The following TAF4 variants were observed in gnomAD, a reference collection of about 807,000 sequenced individuals.
TAF4 encodes the protein TATA-box binding protein associated factor 4.
TAF4 carries 9 observed loss-of-function variants against 90.3 expected under a neutral mutation model. The observed-to-expected ratio is 0.10, with a 90% CI of 0.06 to 0.17. TAF4 has a LOEUF of 0.17. Ranked by LOEUF, TAF4 falls within the 10% of genes least tolerant of loss-of-function variation. TAF4 has a pLI of 1.00. For synonymous variants in TAF4, 818 were observed against 638.9 expected (o/e 1.28, Z -4.23); for missense variants, 1,351 against 1,370.7 (o/e 0.99, Z 0.23).
At chr20:62,014,030 GTGTGTGTGTGTGTGTA>G (rs1271776482) in intron 2 of TAF4, among the ~76,000 whole-genome samples, 17 of 144,140 alleles carry the variant, frequency 1.2e-4, no homozygotes, top group African/African-American at 4.4e-4. Flanking sequence ...GTGTGTGTGT[GTGTGTGTGTGTGTGTA>G]TGTGTGTGTG....
rs370400875 is a variant in TAF4 at position 62,014,535 on chromosome 20, A to G, written c.1521+12T>C. ...GGAAGGGGTTCGCACTCCAGGGCAC[A>G]CGTGCACTCACCTGTACGGTGGAGA... On this transcript the variant is annotated intron_variant, in intron 2 of 14. Coordinates refer to ENST00000252996, the MANE Select transcript of TAF4 (RefSeq NM_003185.4). 9 of 1,599,358 alleles carry G rather than the reference A, an allele frequency of 5.6e-6. No homozygotes were observed. The African/African-American group carries it at 1.2e-4, about 22-fold the overall frequency.
intron 1 of TAF4, among the ~76,000 whole-genome samples, chr20:62,047,461 A>G (rs2055999984): frequency 6.6e-6 from 1 of 152,182 alleles, no homozygotes; most frequent in Non-Finnish European, 1.5e-5. Flanking sequence ...TTTAGAAGGA[A>G]GAGATCACAC....
chr20:62,034,827 C>CTTTTCTTTTTTT (rs555793597), intron 1 of TAF4, among the ~76,000 whole-genome samples: 2 of 141,810 alleles, frequency 1.4e-5, no homozygotes, highest in East Asian at 2.3e-4. Flanking sequence ...TCATAGATTT[C>CTTTTCTTTTTTT]TTTTTTTTTT....
At chr20:62,053,996 G>A (rs974242378) in intron 1 of TAF4, among the ~76,000 whole-genome samples, 1 of 152,228 alleles carries the variant, frequency 6.6e-6, no homozygotes, top group Non-Finnish European at 1.5e-5. Flanking sequence ...GCTGGGGGGA[G>A]CCCAAGCACT....
rs1279776547 is a variant in TAF4 at position 62,010,122 on chromosome 20, C to T, written c.1685G>A (p.Gly562Glu). Reference protein sequence around the residue: ...LGGAAQTASLGTATAVQTGTP... With the variant: ...LGGAAQTASLETATAVQTGTP... Reference sequence around the variant, plus strand: ...CCCCGTCTGAACAGCCGTCGCCGTCCCAAGTGAAGCCGTCTGGGCAGCGCC... The same window carrying T: ...CCCCGTCTGAACAGCCGTCGCCGTCTCAAGTGAAGCCGTCTGGGCAGCGCC... The change falls in exon 4 of 15, where the codon GGG (glycine) becomes GAG (glutamate). Residue 562 changes from glycine to glutamate, a missense_variant. Around this residue, in one of 9 missense-constraint regions of TAF4, gnomAD observed 143 missense variants for 176.3 expected, o/e 0.81. Transcript: ENST00000252996. This position sits in a 1 kb window ranked among gnomAD's most constrained non-coding sequence, Gnocchi z 4.5. 6.2e-7 allele frequency: 1 copy of T among 1,613,956 alleles called. No individual in the cohort carries two copies. The highest frequency in any genetic ancestry group is 8.5e-7 in the Non-Finnish European group (1 of 1,180,022).
chr20:62,026,685 GA>G (rs1420903497), intron 1 of TAF4, among the ~76,000 whole-genome samples: 3 of 152,198 alleles, frequency 2.0e-5, no homozygotes, highest in African/African-American at 7.2e-5. Flanking sequence ...CTCGGCACAG[GA>G]AAGAGCAGCC....
intron 1 of TAF4, among the ~76,000 whole-genome samples, chr20:62,020,320 C>T (rs1224796940): frequency 2.0e-5 from 3 of 152,202 alleles, no homozygotes; most frequent in Admixed American, 1.3e-4. Context: ...TCAGCCCCAG[C>T]TCTCCTCCTG....
At chr20:62,061,713 G>A (rs1001914473) in intron 1 of TAF4, among the ~76,000 whole-genome samples, 12 of 152,112 alleles carry the variant, frequency 7.9e-5, no homozygotes, top group Non-Finnish European at 1.3e-4. Context: ...GTGCTTTTCC[G>A]TGATCTTGGG....
At chr20:62,043,249 G>A (rs909998832) in intron 1 of TAF4, among the ~76,000 whole-genome samples, 2 of 152,148 alleles carry the variant, frequency 1.3e-5, no homozygotes, top group African/African-American at 2.4e-5. Context: ...AGCCCAGGAG[G>A]TCAAGGCTGC....
rs1600820333 is a variant in TAF4 at position 61,976,011 on chromosome 20, A to G, written c.*157T>C. On this transcript the variant is annotated 3_prime_UTR_variant, in exon 15 of 15. Coordinates refer to ENST00000252996, the MANE Select transcript of TAF4 (RefSeq NM_003185.4). ...CCTTTGTGTTCTCTCTGTTACAGAA[A>G]CGTGTTTTCTTTCACACTGAAGAGC... is the stretch of plus-strand genomic sequence containing the variant. The G allele has an allele frequency of 1.4e-6, 1 of 736,386 alleles. No homozygotes were observed. The highest frequency in any genetic ancestry group is 2.7e-5 in the East Asian group (1 of 37,232). 45.6% of individuals were successfully genotyped at this position (736,386 alleles called of 1,614,324 possible).
intron 14 of TAF4, among the ~76,000 whole-genome samples, chr20:61,993,418 C>T (rs144825949): frequency 3.9e-5 from 6 of 152,306 alleles, no homozygotes; most frequent in African/African-American, 9.6e-5. Context: ...GCAATCCTGA[C>T]GCAGGACACA....
At position 62,012,884 on chromosome 20, in the gene TAF4, A is replaced by T; in HGVS notation, c.1572T>A (p.Ile524=). The T allele has an allele frequency of 6.2e-7, 1 of 1,614,120 alleles. No homozygotes were observed. The highest frequency in any genetic ancestry group is 8.5e-7 in the Non-Finnish European group (1 of 1,180,022). The part of the protein sequence containing the change: ...IARQVTPTTI[I]KQVSQAQTTV... ...TTGTCTGGGCCTGAGACACTTGCTT[A>T]ATTATGGTAGTTGGGGTCACCTGCC... The change falls in exon 3 of 15, where the codon ATT becomes ATA. Residue 524 remains isoleucine, a synonymous_variant. Transcript: ENST00000252996.
Position 61,974,868 on chromosome 20 carries a change from A to G in TAF4, c.*1300T>C, listed in dbSNP as rs1197888598. ...CCTATATAAAACAATAGCAATTAAAAACTTCATTTCTGAAAGTAAAATATT... is the reference window on the plus strand; with the variant it reads ...CCTATATAAAACAATAGCAATTAAAGACTTCATTTCTGAAAGTAAAATATT... On this transcript the variant is annotated 3_prime_UTR_variant, in exon 15 of 15. Coordinates refer to ENST00000252996, the MANE Select transcript of TAF4 (RefSeq NM_003185.4). This position sits in a 1 kb window ranked among gnomAD's most constrained non-coding sequence, Gnocchi z 4.1. The G allele has an allele frequency of 6.6e-6, 1 of 152,438 alleles. No individual in the cohort carries two copies. Among genetic ancestry groups the G allele is most frequent in the African/African-American group, 2.4e-5 (1 of 41,466 alleles). 9.4% of individuals were successfully genotyped at this position (152,438 alleles called of 1,614,324 possible).
chr20:62,065,323 G>C lies in TAF4; in HGVS notation c.488C>G (p.Pro163Arg), dbSNP rs1489219524. ...GCCGGCGCGGGCGGCCAGCGCGGCG[G>C]GGCCGGCGGGCTTGGCGGGGCCGGC... ...APAGPAKPAG[P>R]AALAARAGPG... Residue 163 changes from proline to arginine, a missense_variant, in exon 1 of 15, where the codon CCC becomes CGC. Transcript: ENST00000252996. The C allele has an allele frequency of 1.1e-6, 1 of 949,122 alleles. No homozygotes were observed. The highest frequency in any genetic ancestry group is 1.2e-6 in the Non-Finnish European group (1 of 803,022). 58.8% of individuals were successfully genotyped at this position (949,122 alleles called of 1,614,324 possible).
intron 1 of TAF4, among the ~76,000 whole-genome samples, chr20:62,049,401 C>A (rs902590514): frequency 6.6e-6 from 1 of 152,096 alleles, no homozygotes; most frequent in Admixed American, 6.5e-5. Context: ...CCCACTTCTG[C>A]GTCCCCTGCT....
In TAF4 at chr20:62,006,539, C is replaced by T. The variant is rs767089465; in HGVS notation, c.2194G>A (p.Val732Ile). The T allele has an allele frequency of 2.1e-5, 33 of 1,553,680 alleles. No individual in the cohort carries two copies. Among genetic ancestry groups the T allele is most frequent in the Middle Eastern group, 2.1e-4 (1 of 4,764 alleles). Residue 732 changes from valine (V) to isoleucine (I), a missense_variant, in exon 7 of 15, where the codon GTC becomes ATC. Val to Ile is a conservative substitution (Grantham distance 29, BLOSUM62 3). This residue lies in a region of TAF4 where 202 missense variants were observed against 229.7 expected (regional missense o/e 0.88). Coordinates refer to ENST00000252996, the MANE Select transcript of TAF4 (RefSeq NM_003185.4). The surrounding 1 kb of genome is among the most constrained non-coding windows in gnomAD (Gnocchi z 7.0). ...GGTGTGGGTTGCCCCTGCTTGCCGA[C>T]GCCGACCTGCGTGGGCTGCGTGAGG... ...LSLTQPTQVG[V>I]GKQGQPTPLV...
In TAF4 at chr20:62,065,822, GGCC is replaced by G. The variant is rs551749583; in HGVS notation, c.-15_-13del. 1.2e-3 allele frequency: 1,547 copies of G among 1,256,032 alleles called. No homozygotes were observed. Among genetic ancestry groups the G allele is most frequent in the East Asian group, 3.9e-3 (70 of 17,752 alleles). The allele number at this position is 1,256,032 out of a possible 1,614,324, so 77.8% of individuals were successfully genotyped here. ...GAGCCCGCCGCCATCTTTTTTCCTC[GGCC>G]GCCGCCGCCGCCGCCGCTCGGGCCG... On this transcript the variant is annotated 5_prime_UTR_variant, in exon 1 of 15. Transcript: ENST00000252996.
Position 62,014,562 on chromosome 20 carries a change from C to A in TAF4, c.1506G>T (p.Gln502His), listed in dbSNP as rs2123150953. 1 of 1,613,402 alleles carries A rather than the reference C, an allele frequency of 6.2e-7. No homozygotes were observed. The highest frequency in any genetic ancestry group is 1.1e-5 in the South Asian group (1 of 91,002). ...GTGCACTCACCTGTACGGTGGAGAT[C>A]TGGACGGGAGGGGCACTTGTGGGGG... Reference protein sequence around the residue: ...PATPTSAPPVQISTVQAPGTP... With the variant: ...PATPTSAPPVHISTVQAPGTP... The change falls in exon 2 of 15, where the codon CAG becomes CAT. Residue 502 changes from glutamine to histidine, a missense_variant. Around this residue, in one of 9 missense-constraint regions of TAF4, gnomAD observed 143 missense variants for 176.3 expected, o/e 0.81. Transcript: ENST00000252996.
At chr20:62,023,939 C>T (rs944928980) in intron 1 of TAF4, among the ~76,000 whole-genome samples, 3 of 151,690 alleles carry the variant, frequency 2.0e-5, no homozygotes, top group Admixed American at 6.6e-5. Flanking sequence ...AAAAATTAGA[C>T]GGTGTGGGCA....
Sources: allele counts gnomAD v4.1 joint callset (sites outside exome capture counted in the v4.1 genomes callset), GRCh38; gene constraint gnomAD v4.1.1; regional missense constraint gnomAD v4.1.1; non-coding constraint Gnocchi (gnomAD v3.1); transcripts MANE v1.5; gene names NCBI Gene and HGNC (gene_info 2026-07-23, HGNC 2026-07-21).